The following GATAD2A variants were observed in gnomAD, a reference collection of about 807,000 sequenced individuals.
GATAD2A encodes transcriptional repressor p66-alpha.
In GATAD2A, 12 loss-of-function variants were observed where a neutral mutation model predicts 68.5. That is an observed-to-expected ratio of 0.18 (90% confidence interval 0.11 to 0.28). The LOEUF is 0.28. Among genes scored for constraint, GATAD2A ranks in the 10% least tolerant of loss-of-function variants. GATAD2A has a pLI of 1.00. For missense variants in GATAD2A, 755 were observed against 868.5 expected, an observed-to-expected ratio of 0.87 and a Z score of 1.64; for synonymous variants, 410 against 375.3, an observed-to-expected ratio of 1.09 and a Z score of -1.07.
In GATAD2A at chr19:19,487,974, C is replaced by T. The variant is rs1470185004; in HGVS notation, c.270-4332C>T. On this transcript the variant is annotated intron_variant, in intron 2 of 11. Coordinates refer to ENST00000683918, the MANE Select transcript of GATAD2A (RefSeq NM_001384528.1). ...GTGGCTGGAGAAGGCATTGCTGGGCCCTGCCTGTCTCCCCAAGCCAGCCTG... is the reference window on the plus strand; with the variant it reads ...GTGGCTGGAGAAGGCATTGCTGGGCTCTGCCTGTCTCCCCAAGCCAGCCTG... Among the ~76,000 whole-genome samples the T allele has an allele frequency of 2.6e-5, 4 of 152,152 alleles. No homozygotes were observed. In the East Asian group the frequency reaches 5.8e-4, roughly 22 times the overall value.
chr19:19,432,492 G>A (rs2053862743), intron 1 of GATAD2A, among the ~76,000 whole-genome samples: 1 of 151,986 alleles, frequency 6.6e-6, no homozygotes, highest in Admixed American at 6.6e-5. Context: ...GTAGAGACGA[G>A]GTTTCGCCAT....
intron 1 of GATAD2A, among the ~76,000 whole-genome samples, chr19:19,454,804 T>G (rs559163817): frequency 5.2e-4 from 78 of 150,974 alleles, no homozygotes; most frequent in Non-Finnish European, 7.8e-4. Context: ...AAGGCTTATT[T>G]TGGAAAAGCA....
intron 2 of GATAD2A, among the ~76,000 whole-genome samples, chr19:19,466,306 C>G (rs1374921310): frequency 1.3e-5 from 2 of 152,216 alleles, no homozygotes; most frequent in Non-Finnish European, 2.9e-5. Context: ...AGACCCAGCA[C>G]CTGCTCTTGC....
chr19:19,429,112 C>T (rs998110123), intron 1 of GATAD2A: 13 of 810,212 alleles, frequency 1.6e-5, no homozygotes, highest in East Asian at 2.5e-4. Context: ...TCTCCTCCTC[C>T]GTGCCCACGT....
intron 11 of GATAD2A, 36 bp from the exon 12 acceptor site, chr19:19,505,308 A>G (rs2060815654): frequency 6.2e-7 from 1 of 1,607,778 alleles, no homozygotes; most frequent in Non-Finnish European, 8.5e-7. Flanking sequence ...CCTCCTGACG[A>G]GGGCCTTCTC....
Position 19,441,553 on chromosome 19 carries a change from GTTTGTTTTTGTT to G in GATAD2A, c.-6-23772_-6-23761del, listed in dbSNP as rs996301404. On this transcript the variant is annotated intron_variant, in intron 1 of 11. Transcript: ENST00000683918. ...ATGTCCAGCAAATTTTTAAATTTGG[GTTTGTTTTTGTT>G]TTTGTTTTTGTTTTAAGACGGAGTC... The G allele has an allele frequency of 6.0e-3, 930 of 155,622 alleles. 5 individuals carry two copies. Among genetic ancestry groups the G allele is most frequent in the African/African-American group, 0.021 (857 of 41,360 alleles). 9.6% of individuals were successfully genotyped at this position (155,622 alleles called of 1,614,324 possible).
upstream of GATAD2A, among the ~76,000 whole-genome samples, chr19:19,405,633 A>T (rs868695877): frequency 2.0e-5 from 3 of 151,552 alleles, no homozygotes; most frequent in Middle Eastern, 3.4e-3. Context: ...AACCCCGCCC[A>T]CGAGCTCCTC....
chr19:19,473,295 T>C (rs2058445461), intron 2 of GATAD2A, among the ~76,000 whole-genome samples: 1 of 152,132 alleles, frequency 6.6e-6, no homozygotes, highest in Admixed American at 6.5e-5. Context: ...CTTGGCCACT[T>C]TGGGGCTCAA....
intron 1 of GATAD2A, among the ~76,000 whole-genome samples, chr19:19,431,949 G>A (rs2053798464): frequency 6.6e-6 from 1 of 151,994 alleles, no homozygotes; most frequent in South Asian, 2.1e-4. Context: ...CAGGGGTGGT[G>A]GGGGATCACA....
intron 2 of GATAD2A, among the ~76,000 whole-genome samples, chr19:19,470,449 A>G (rs1180839837): frequency 2.0e-5 from 3 of 152,114 alleles, no homozygotes; most frequent in African/African-American, 7.2e-5. Flanking sequence ...ATTTCATATG[A>G]TATTTCAGGA....
chr19:19,397,409 G>A (rs973666528), intron 1 of GATAD2A, among the ~76,000 whole-genome samples: 8 of 152,058 alleles, frequency 5.3e-5, no homozygotes, highest in Non-Finnish European at 1.2e-4. Flanking sequence ...ATTTTTAGTA[G>A]AGATGGGGTT....
In GATAD2A at chr19:19,502,422, C is replaced by T. The variant is rs989387202; in HGVS notation, c.1670C>T (p.Ser557Leu). Residue 557 changes from serine to leucine, a missense_variant, in exon 11 of 12, where the codon TCG becomes TTG. Ser to Leu is a moderately radical substitution (Grantham distance 145, BLOSUM62 -2). Transcript: ENST00000683918. ...TCACCCAAACTGCAGAACTCAGCCT[C>T]GGCCACAGCCCTGGTCAGCAGGACC... ...SPSPKLQNSA[S>L]ATALVSRTGR... 4 of 1,613,740 alleles carry T rather than the reference C, an allele frequency of 2.5e-6. No homozygotes were observed. The highest frequency in any genetic ancestry group is 3.4e-6 in the Non-Finnish European group (4 of 1,179,950).
chr19:19,424,947 C>G (rs1384838512), intron 1 of GATAD2A, among the ~76,000 whole-genome samples: 1 of 151,290 alleles, frequency 6.6e-6, no homozygotes, highest in African/African-American at 2.4e-5. Flanking sequence ...GATCCCATCT[C>G]TACAAAAAAT....
In GATAD2A at chr19:19,446,925, C is replaced by T. The variant is rs547278455; in HGVS notation, c.-6-18415C>T. Among the ~76,000 whole-genome samples, 9 of 152,222 alleles carry T rather than the reference C, an allele frequency of 5.9e-5. No individual in the cohort carries two copies. In the South Asian group the frequency reaches 6.2e-4, roughly 11 times the overall value. On this transcript the variant is annotated intron_variant, in intron 1 of 11. Transcript: ENST00000683918. The stretch of plus-strand genomic sequence containing the variant: ...AGGATGAAGACATTTTGGCATTAAC[C>T]GGGAAGGAGGTTGAAGGGCAGTGGT...
chr19:19,456,950 G>T (rs1428157622), intron 1 of GATAD2A, among the ~76,000 whole-genome samples: 1 of 152,200 alleles, frequency 6.6e-6, no homozygotes, highest in African/African-American at 2.4e-5. Flanking sequence ...CTCAATCAGT[G>T]TTGGGTGTTT....
chr19:19,414,399 C>T (rs2051321637), intron 1 of GATAD2A, among the ~76,000 whole-genome samples: 1 of 152,186 alleles, frequency 6.6e-6, no homozygotes, highest in East Asian at 1.9e-4. Flanking sequence ...TCCCTGTTTT[C>T]TCCTGGAATT....
chr19:19,471,719 G>C (rs934144382), intron 2 of GATAD2A, among the ~76,000 whole-genome samples: 2 of 152,194 alleles, frequency 1.3e-5, no homozygotes, highest in African/African-American at 4.8e-5. Flanking sequence ...GGTTAAAATA[G>C]TTTGGTTTCT....
chr19:19,466,641 C>T (rs183541659), intron 2 of GATAD2A, among the ~76,000 whole-genome samples: 7 of 152,320 alleles, frequency 4.6e-5, no homozygotes, highest in East Asian at 1.9e-4. Context: ...GTGTTCACAG[C>T]GTTTAAAATG....
intron 1 of GATAD2A, among the ~76,000 whole-genome samples, chr19:19,411,565 T>G (rs1391937163): frequency 6.6e-6 from 1 of 152,218 alleles, no homozygotes; most frequent in African/African-American, 2.4e-5. Flanking sequence ...CCTTTCAGAC[T>G]GACAGCTCTC....
Sources: allele counts gnomAD v4.1 joint callset (sites outside exome capture counted in the v4.1 genomes callset), GRCh38; gene constraint gnomAD v4.1.1; transcripts MANE v1.5; gene names NCBI Gene and HGNC (gene_info 2026-07-23, HGNC 2026-07-21).